Variants in CAMSAP2 observed in about 807,000 individuals in gnomAD.
CAMSAP2 encodes the protein calmodulin-regulated spectrin-associated protein 2.
In CAMSAP2, 26 loss-of-function variants were observed where a neutral mutation model predicts 146.1. That is an observed-to-expected ratio of 0.18 (90% CI 0.13 to 0.25). CAMSAP2 has a LOEUF of 0.25. CAMSAP2 is among the 10% of genes least tolerant of loss of function. The pLI is 1.00. For synonymous variants in CAMSAP2, 499 were observed against 596.6 expected (o/e 0.84, Z 2.38); for missense variants, 1,381 against 1,759.3 (o/e 0.78, Z 3.85).
chr1:200,823,739 A>G (rs1454644084), intron 4 of CAMSAP2, among the ~76,000 whole-genome samples: 1 of 152,110 alleles, frequency 6.6e-6, no homozygotes, highest in Non-Finnish European at 1.5e-5. Context: ...TTCCCTTCTT[A>G]TTTTTGGAAG....
chr1:200,774,349 C>T (rs940398318), intron 2 of CAMSAP2, among the ~76,000 whole-genome samples: 6 of 152,058 alleles, frequency 3.9e-5, no homozygotes, highest in Non-Finnish European at 5.9e-5. Flanking sequence ...CCTTCTCAGC[C>T]TGTACTGTTC....
chr1:200,834,497 C>T (rs750189655), intron 6 of CAMSAP2, among the ~76,000 whole-genome samples: 1 of 152,110 alleles, frequency 6.6e-6, no homozygotes, highest in Non-Finnish European at 1.5e-5. Context: ...GTCTTATCCT[C>T]CAGATGTTAT....
chr1:200,844,924 T>G, intron 8 of CAMSAP2, 55 bp downstream of exon 8: 1 of 879,398 alleles, frequency 1.1e-6, no homozygotes, highest in South Asian at 1.8e-5. Context: ...ACTAATTAAA[T>G]TACATAATAT....
Position 200,750,673 on chromosome 1 carries a change from G to A in CAMSAP2, c.140-10166G>A, listed in dbSNP as rs1348879134. 1.1e-4 allele frequency among the ~76,000 whole-genome samples: 16 copies of A among 150,738 alleles called. No homozygotes were observed. The East Asian group carries it at 2.9e-3, about 28-fold the overall frequency. ...GAGTTTCGCTCTTGTTGCCCAGGTT[G>A]GAGTGCAATGGCGCAATCTCAGCTC... is the stretch of plus-strand genomic sequence containing the variant. On this transcript the variant is annotated intron_variant, in intron 1 of 16. Coordinates refer to ENST00000358823, the MANE Select transcript of CAMSAP2 (RefSeq NM_203459.4).
At chr1:200,782,975 A>G (rs1471415777) in intron 2 of CAMSAP2, among the ~76,000 whole-genome samples, 1 of 151,558 alleles carries the variant, frequency 6.6e-6, no homozygotes, top group Non-Finnish European at 1.5e-5. Flanking sequence ...TGTGTTGCCC[A>G]GCCTGGTCTG....
intron 11 of CAMSAP2, 39 bp from the exon 12 acceptor site, chr1:200,852,502 C>G (rs753705955): frequency 6.3e-7 from 1 of 1,593,654 alleles, no homozygotes; most frequent in Non-Finnish European, 8.5e-7. Context: ...ATATTGGTAC[C>G]TAAAATGTTT....
chr1:200,783,776 C>T (rs1187219383), intron 2 of CAMSAP2, among the ~76,000 whole-genome samples: 3 of 152,158 alleles, frequency 2.0e-5, no homozygotes, highest in Non-Finnish European at 4.4e-5. Flanking sequence ...GGAATGACCA[C>T]CATGCCCAGC....
At chr1:200,808,153 G>T (rs938864583) in intron 3 of CAMSAP2, among the ~76,000 whole-genome samples, 7 of 152,122 alleles carry the variant, frequency 4.6e-5, no homozygotes, top group Non-Finnish European at 7.4e-5. Context: ...AATATTTTTT[G>T]AATTCATTTC....
chr1:200,843,455 TA>T (rs1165286530), intron 7 of CAMSAP2, among the ~76,000 whole-genome samples: 1 of 152,182 alleles, frequency 6.6e-6, no homozygotes, highest in Non-Finnish European at 1.5e-5. Flanking sequence ...TACATGCCTA[TA>T]AAAAAATTGA....
intron 11 of CAMSAP2, 98 bp downstream of exon 11, chr1:200,850,332 T>A: frequency 2.0e-6 from 2 of 1,017,224 alleles, no homozygotes; most frequent in Non-Finnish European, 2.8e-6. Context: ...CTTCTTTCAG[T>A]AGCAGTCCCT....
In CAMSAP2 at chr1:200,816,805, T is replaced by C. The variant is rs1479495480; in HGVS notation, c.645+1161T>C. Among the ~76,000 whole-genome samples the C allele has an allele frequency of 6.8e-4, 52 of 76,712 alleles. 11 individuals carry two copies. Among genetic ancestry groups the C allele is most frequent in the Non-Finnish European group, 9.1e-4 (37 of 40,538 alleles). 50.3% of individuals were successfully genotyped at this position (76,712 alleles called of 152,430 possible). On this transcript the variant is annotated intron_variant, in intron 4 of 16. Coordinates refer to ENST00000358823, the MANE Select transcript of CAMSAP2 (RefSeq NM_203459.4). ...ATATATGTGTGTACACACACACGCGTGTATATATGTGTGTACACACACACG... is the reference window on the plus strand; with the variant it reads ...ATATATGTGTGTACACACACACGCGCGTATATATGTGTGTACACACACACG...
At chr1:200,747,484 A>C (rs1421354275) in intron 1 of CAMSAP2, among the ~76,000 whole-genome samples, 4 of 152,090 alleles carry the variant, frequency 2.6e-5, no homozygotes, top group Non-Finnish European at 5.9e-5. Context: ...GACTAGGTTG[A>C]AAGTAAATGG....
At chr1:200,803,885 G>GT (rs1183715779) in intron 2 of CAMSAP2, among the ~76,000 whole-genome samples, 24 of 151,654 alleles carry the variant, frequency 1.6e-4, no homozygotes, top group African/African-American at 5.8e-4. Flanking sequence ...GTGCGTGTGT[G>GT]TCTGTGGTAT....
chr1:200,814,260 TAAAGATACATGGGTG>T (rs1346478405), intron 3 of CAMSAP2, among the ~76,000 whole-genome samples: 3 of 152,076 alleles, frequency 2.0e-5, no homozygotes, highest in African/African-American at 7.2e-5. Flanking sequence ...CCAAAATGCT[TAAAGATACATGGGTG>T]TTATAAAACT....
chr1:200,765,276 C>T (rs1027865798), intron 2 of CAMSAP2, among the ~76,000 whole-genome samples: 8 of 152,132 alleles, frequency 5.3e-5, no homozygotes, highest in African/African-American at 1.7e-4. Flanking sequence ...GTCACCCAAG[C>T]TGGAGTGCAG....
At chr1:200,771,629 C>T (rs966150711) in intron 2 of CAMSAP2, among the ~76,000 whole-genome samples, 11 of 152,146 alleles carry the variant, frequency 7.2e-5, no homozygotes, top group Non-Finnish European at 1.6e-4. Context: ...ATGTCTATGC[C>T]TCTCACTTTG....
chr1:200,807,516 T>C lies in CAMSAP2; in HGVS notation c.540T>C (p.Ala180=). The part of the protein sequence containing the change: ...ATDLPYDIED[A]VMYWINKVNE... ...ATCTGCCCTATGATATTGAGGACGC[T>C]GTCATGTACTGGATAAATAAGGTAG... The change falls in exon 3 of 17, where the codon GCT becomes GCC. Residue 180 remains alanine, a synonymous_variant. Transcript: ENST00000358823. The C allele has an allele frequency of 6.2e-7, 1 of 1,606,644 alleles. No homozygotes were observed. Among genetic ancestry groups the C allele is most frequent in the Non-Finnish European group, 8.5e-7 (1 of 1,177,020 alleles).
chr1:200,779,226 T>C (rs1445370204), intron 2 of CAMSAP2, among the ~76,000 whole-genome samples: 1 of 152,226 alleles, frequency 6.6e-6, no homozygotes, highest in Admixed American at 6.5e-5. Context: ...CCCTTGTTGA[T>C]GAATGTGTAG....
intron 2 of CAMSAP2, among the ~76,000 whole-genome samples, chr1:200,795,678 C>G (rs548333016): frequency 2.0e-4 from 31 of 152,236 alleles, no homozygotes; most frequent in African/African-American, 7.2e-4. Flanking sequence ...TGCAATAAAG[C>G]TTAATATCAG....
Sources: gnomAD v4.1 joint callset for allele counts (sites outside exome capture counted in the v4.1 genomes callset) on GRCh38, gnomAD v4.1.1 for gene constraint, MANE v1.5 for transcripts, NCBI Gene and HGNC (gene_info 2026-07-23, HGNC 2026-07-21) for gene names.